APBB3: variants seen among roughly 807,000 people sequenced by gnomAD.
APBB3 encodes amyloid-beta A4 precursor protein-binding family B member 3.
APBB3 carries 50 observed loss-of-function variants against 61.5 expected under a neutral mutation model. The ratio of observed to expected loss-of-function variants is 0.81; its 90% CI spans 0.65 to 1.03. The LOEUF is 1.03. Ranked by LOEUF, APBB3 falls within the 50% of genes least tolerant of loss-of-function variation. The pLI is 0.00. For missense variants in APBB3, 550 were observed against 637.4 expected, an observed-to-expected ratio of 0.86 and a Z score of 1.48; for synonymous variants, 235 against 233.0, an observed-to-expected ratio of 1.01 and a Z score of -0.08.
In APBB3 at chr5:140,561,039, G is replaced by C. The variant is rs1234579997; in HGVS notation, c.895C>G (p.Leu299Val). ...QKYEALYMGTLPVTKAMGMDV... is the reference protein window; with the variant it reads ...QKYEALYMGTVPVTKAMGMDV... The stretch of plus-strand genomic sequence containing the variant: ...TCACCCATGGCCTTGGTGACTGGCA[G>C]TGTCCCCATATACAGTGCCTCGTAC... The change falls in exon 10 of 13, where the codon CTG becomes GTG. Residue 299 changes from leucine (L) to valine (V), a missense_variant. This residue lies in a region of APBB3 where 405 missense variants were observed against 483.4 expected (regional missense o/e 0.84). Transcript: ENST00000357560. 1 of 1,613,626 alleles carries C rather than the reference G, an allele frequency of 6.2e-7. No individual in the cohort carries two copies. The highest frequency in any genetic ancestry group is 1.7e-5 in the Admixed American group (1 of 60,030).
At position 140,563,661 on chromosome 5, in the gene APBB3, C is replaced by T. The variant is rs1028155654; in HGVS notation, c.223G>A (p.Gly75Arg). 1 of 1,614,196 alleles carries T rather than the reference C, an allele frequency of 6.2e-7. No individual in the cohort carries two copies. The highest frequency in any genetic ancestry group is 1.6e-4 in the Middle Eastern group (1 of 6,062). Residue 75 changes from glycine to arginine, a missense_variant, in exon 3 of 13, where the codon GGG (glycine) becomes AGG (arginine). Gly to Arg is a moderately radical substitution (Grantham distance 125, BLOSUM62 -2). Transcript: ENST00000357560. ...DAEDPGTGTEGIWGLRPPKGR... is the reference protein window; with the variant it reads ...DAEDPGTGTERIWGLRPPKGR... ...TTGGGGGGCCGCAGTCCCCAGATCC[C>T]CTCCGTTCCCTGTAGAGTGGGAGTT...
Position 140,561,657 on chromosome 5 carries a change from T to G in APBB3, c.677A>C (p.Lys226Thr), listed in dbSNP as rs1202297459. 6.2e-7 allele frequency: 1 copy of G among 1,614,218 alleles called. No homozygotes were observed. Among genetic ancestry groups the G allele is most frequent in the Non-Finnish European group, 8.5e-7 (1 of 1,180,034 alleles). Reference sequence around the variant, plus strand: ...GACATCACAGCAAAACACATGGCACTTGAGCATACAGCTATCTTTGTCACT... The same window carrying G: ...GACATCACAGCAAAACACATGGCACGTGAGCATACAGCTATCTTTGTCACT... ...VASDKDSCML[K>T]CHVFCCDVPA... is the part of the protein sequence containing the mutation. Residue 226 changes from lysine (K) to threonine (T), a missense_variant, in exon 8 of 13, where the codon AAG becomes ACG. Physicochemically the swap from Lys to Thr is moderately conservative, Grantham distance 78. Coordinates refer to ENST00000357560, the MANE Select transcript of APBB3 (RefSeq NM_133173.3).
Position 140,562,105 on chromosome 5 carries a change from C to T in APBB3, c.621G>A (p.Lys207=). The T allele has an allele frequency of 6.2e-7, 1 of 1,613,998 alleles. No homozygotes were observed. The highest frequency in any genetic ancestry group is 8.5e-7 in the Non-Finnish European group (1 of 1,179,938). Reference sequence around the variant, plus strand: ...GGGGATGTAGGCATCCTCACCGGCCCTTGGAGCTCCCCACGCCCCACACAC... The same window carrying T: ...GGGGATGTAGGCATCCTCACCGGCCTTTGGAGCTCCCCACGCCCCACACAC... The part of the protein sequence containing the change: ...HIRVWGVGSS[K]GRDRDFAFVA... The change falls in exon 6 of 13, where the codon AAG becomes AAA. Residue 207 remains lysine, a synonymous_variant. Transcript: ENST00000357560.
At chr5:140,563,009 G>T in intron 3 of APBB3, 2 of 415,248 alleles carry the variant, frequency 4.8e-6, no homozygotes, top group Non-Finnish European at 8.8e-6. Flanking sequence ...CACTTTGGGA[G>T]GCTGAGACGG....
chr5:140,560,265 G>A lies in APBB3; in HGVS notation c.1224+48C>T. 1 of 1,583,266 alleles carries A rather than the reference G, an allele frequency of 6.3e-7. No individual in the cohort carries two copies. Among genetic ancestry groups the A allele is most frequent in the Non-Finnish European group, 8.6e-7 (1 of 1,158,276 alleles). The stretch of plus-strand genomic sequence containing the variant: ...ACCCGGAGCCCAAGTAAACAGTGGA[G>A]AGCAGCTGCAGGGCAATCCCACCAA... On this transcript the variant is annotated intron_variant, in intron 12 of 12. Coordinates refer to ENST00000357560, the MANE Select transcript of APBB3 (RefSeq NM_133173.3). This position sits in a 1 kb window ranked among gnomAD's most constrained non-coding sequence, Gnocchi z 5.1.
Position 140,562,424 on chromosome 5 carries a change from C to T in APBB3, c.427G>A (p.Val143Ile), listed in dbSNP as rs747586649. 3.7e-6 allele frequency: 6 copies of T among 1,614,202 alleles called. No individual in the cohort carries two copies. In the Admixed American group the frequency reaches 8.3e-5, roughly 22 times the overall value. Reference protein sequence around the residue: ...DLAPGKSSIAVNNCIQQLAQT... With the variant: ...DLAPGKSSIAINNCIQQLAQT... Reference sequence around the variant, plus strand: ...GCCAGCTGCTGGATACAGTTATTGACTGCAATACTGCTCTTCCCCGGTGCC... The same window carrying T: ...GCCAGCTGCTGGATACAGTTATTGATTGCAATACTGCTCTTCCCCGGTGCC... The change falls in exon 5 of 13, where the codon GTC becomes ATC. Residue 143 changes from valine (V) to isoleucine (I), a missense_variant. Physicochemically the swap from Val to Ile is conservative, Grantham distance 29. Transcript: ENST00000357560.
chr5:140,562,019 G>A (rs1417323490), intron 6 of APBB3, 81 bp downstream of exon 6: 1 of 1,612,716 alleles, frequency 6.2e-7, no homozygotes, highest in Non-Finnish European at 8.5e-7. Flanking sequence ...TTCAAGTACT[G>A]GGGATCAGCA....
Position 140,560,047 on chromosome 5 carries a change from C to CG in APBB3, c.1224+265_1224+266insC, listed in dbSNP as rs1251607487. 6.6e-6 allele frequency among the ~76,000 whole-genome samples: 1 copy of CG among 152,220 alleles called. No homozygotes were observed. The highest frequency in any genetic ancestry group is 1.5e-5 in the Non-Finnish European group (1 of 68,040). On this transcript the variant is annotated intron_variant, in intron 12 of 12. Coordinates refer to ENST00000357560, the MANE Select transcript of APBB3 (RefSeq NM_133173.3). This position sits in a 1 kb window ranked among gnomAD's most constrained non-coding sequence, Gnocchi z 5.1. ...GCTTCTGCACAACTCTGGCTGCATGCTGACACTTACACGTGTGAACTGAGT... is the reference window on the plus strand; with the variant it reads ...GCTTCTGCACAACTCTGGCTGCATGCGTGACACTTACACGTGTGAACTGAGT...
In APBB3 at chr5:140,560,613, C is replaced by T. The variant is rs1018191905; in HGVS notation, c.1032+26G>A. On this transcript the variant is annotated intron_variant, in intron 11 of 12. Transcript: ENST00000357560. This position sits in a 1 kb window ranked among gnomAD's most constrained non-coding sequence, Gnocchi z 5.1. ...AGCATCCCTGCTCACCCCTCCAAAG[C>T]CCCCAACTTCACCCTCTTCTGGTAC... 4 of 1,612,602 alleles carry T rather than the reference C, an allele frequency of 2.5e-6. No individual in the cohort carries two copies. The highest frequency in any genetic ancestry group is 2.5e-6 in the Non-Finnish European group (3 of 1,178,728).
In APBB3 at chr5:140,560,551, C is replaced by T. The variant is rs1320117146; in HGVS notation, c.1033-47G>A. On this transcript the variant is annotated intron_variant, in intron 11 of 12. Coordinates refer to ENST00000357560, the MANE Select transcript of APBB3 (RefSeq NM_133173.3). The surrounding 1 kb of genome is among the most constrained non-coding windows in gnomAD (Gnocchi z 5.1). Reference sequence around the variant, plus strand: ...ACTAGAGGGCCAAGCACGGGCCAGACCCACTTAACTTTTCCGACAGCAAGC... The same window carrying T: ...ACTAGAGGGCCAAGCACGGGCCAGATCCACTTAACTTTTCCGACAGCAAGC... The T allele has an allele frequency of 6.2e-7, 1 of 1,606,040 alleles. No individual in the cohort carries two copies. The highest frequency in any genetic ancestry group is 1.1e-5 in the South Asian group (1 of 90,478).
At chr5:140,563,023 G>C (rs1301105630) in intron 3 of APBB3, 1 of 390,424 alleles carries the variant, frequency 2.6e-6, no homozygotes, top group Non-Finnish European at 4.7e-6. Context: ...GAGACGGGTG[G>C]ATCATGAGGT....
intron 7 of APBB3, 58 bp from the exon 8 acceptor site, chr5:140,561,759 G>A (rs1240767749): frequency 4.3e-6 from 7 of 1,614,082 alleles, no homozygotes; most frequent in Non-Finnish European, 5.9e-6. Flanking sequence ...GAGCCTGCAG[G>A]AGGCTGGAAA....
chr5:140,560,507 G>A lies in APBB3; in HGVS notation c.1033-3C>T, dbSNP rs753599423. Reference sequence around the variant, plus strand: ...TCCTCCTCTGTACTGGCCTCTGCCTGCCCACACCAGGCCTAGTCACTAGAG... The same window carrying A: ...TCCTCCTCTGTACTGGCCTCTGCCTACCCACACCAGGCCTAGTCACTAGAG... On this transcript the variant is annotated splice_region_variant and splice_polypyrimidine_tract_variant and intron_variant, in intron 11 of 12. Transcript: ENST00000357560. The surrounding 1 kb of genome is among the most constrained non-coding windows in gnomAD (Gnocchi z 5.1). 6.2e-7 allele frequency: 1 copy of A among 1,612,128 alleles called. No individual in the cohort carries two copies. The highest frequency in any genetic ancestry group is 1.1e-5 in the South Asian group (1 of 90,954).
Position 140,558,586 on chromosome 5 carries a change from T to C in APBB3, c.1460A>G (p.Ter487=), listed in dbSNP as rs757319109. 3.7e-6 allele frequency: 6 copies of C among 1,613,978 alleles called. No homozygotes were observed. The African/African-American group carries it at 8.0e-5, about 22-fold the overall frequency. The change falls in exon 13 of 13, where the codon TAA becomes TGA. Residue 487 remains the stop codon, a stop_retained_variant. Transcript: ENST00000357560. ...CTTCCCCAGCCTTCCCAGATAAGTT[T>C]AGGGCATATGGAGCAGAGAGGGTTT... ...RLKPSLLHMP[*]
chr5:140,560,609 A>G lies in APBB3; in HGVS notation c.1032+30T>C. ...CCTCAGCATCCCTGCTCACCCCTCC[A>G]AAGCCCCCAACTTCACCCTCTTCTG... is the stretch of plus-strand genomic sequence containing the variant. On this transcript the variant is annotated intron_variant, in intron 11 of 12. Transcript: ENST00000357560. The surrounding 1 kb of genome is among the most constrained non-coding windows in gnomAD (Gnocchi z 5.1). 1 of 1,612,484 alleles carries G rather than the reference A, an allele frequency of 6.2e-7. No individual in the cohort carries two copies. The highest frequency in any genetic ancestry group is 1.1e-5 in the South Asian group (1 of 91,012).
At chr5:140,561,268 A>T in intron 9 of APBB3, 97 bp downstream of exon 9, 8 of 1,518,512 alleles carry the variant, frequency 5.3e-6, no homozygotes, top group Non-Finnish European at 6.4e-6. Flanking sequence ...CATCTCAGAA[A>T]TTTATCCACA....
chr5:140,562,272 G>T, intron 5 of APBB3, 45 bp from the exon 6 acceptor site: 1 of 1,612,202 alleles, frequency 6.2e-7, no homozygotes, highest in Non-Finnish European at 8.5e-7. Context: ...AAAGGTCATT[G>T]CCATGAGAAA....
chr5:140,563,240 A>C (rs1027522948), intron 3 of APBB3: 2 of 322,040 alleles, frequency 6.2e-6, no homozygotes, highest in Non-Finnish European at 1.2e-5. Context: ...GTGAGACTCC[A>C]TCTCAAAAAA....
intron 3 of APBB3, 180 bp downstream of exon 3, chr5:140,563,414 A>G: frequency 1.4e-6 from 1 of 696,142 alleles, no homozygotes; most frequent in Non-Finnish European, 2.5e-6. Context: ...AGAGCTTAGA[A>G]CAAGGGATAA....
Sources: gnomAD v4.1 joint callset for allele counts (sites outside exome capture counted in the v4.1 genomes callset) on GRCh38, gnomAD v4.1.1 for gene constraint, gnomAD v4.1.1 regional missense constraint, Gnocchi (gnomAD v3.1) non-coding constraint, MANE v1.5 for transcripts, NCBI Gene and HGNC (gene_info 2026-07-23, HGNC 2026-07-21) for gene names.